Variants in DDAH1 observed in about 807,000 individuals in gnomAD.
DDAH1 encodes the protein N(G),N(G)-dimethylarginine dimethylaminohydrolase 1.
DDAH1 carries 19 observed loss-of-function variants against 28.8 expected under a neutral mutation model. The ratio of observed to expected loss-of-function variants is 0.66; its 90% CI spans 0.46 to 0.97. DDAH1 has a LOEUF of 0.97. Ranked by LOEUF, DDAH1 falls within the 50% of genes least tolerant of loss-of-function variation. The pLI is 0.00. For missense variants in DDAH1, 326 were observed against 375.9 expected, an observed-to-expected ratio of 0.87 and a Z score of 1.10; for synonymous variants, 153 against 154.4, an observed-to-expected ratio of 0.99 and a Z score of 0.07.
chr1:85,376,411 C>G (rs1048838704), intron 1 of DDAH1, among the ~76,000 whole-genome samples: 11 of 152,108 alleles, frequency 7.2e-5, no homozygotes, highest in Non-Finnish European at 1.6e-4. Flanking sequence ...GATGTCTTAA[C>G]TTTAAAATTC....
chr1:85,467,715 A>T (rs1397035100), upstream of DDAH1: 1 of 152,244 alleles, frequency 6.6e-6, no homozygotes, highest in African/African-American at 2.4e-5. Context: ...TGTTTTTAGG[A>T]AAACGGACTT....
intron 1 of DDAH1, among the ~76,000 whole-genome samples, chr1:85,525,495 G>A (rs1201912814): frequency 2.6e-5 from 4 of 151,970 alleles, no homozygotes; most frequent in African/African-American, 9.7e-5. Context: ...GGGAATTGCT[G>A]TATGATTTTT....
chr1:85,491,046 C>CTAT (rs1656383719), intron 2 of DDAH1, among the ~76,000 whole-genome samples: 1 of 125,632 alleles, frequency 8.0e-6, no homozygotes, highest in South Asian at 2.5e-4. Flanking sequence ...AACATGTATT[C>CTAT]TTTTTTTTTT....
chr1:85,451,050 T>C (rs943723894), intron 1 of DDAH1, among the ~76,000 whole-genome samples: 1 of 152,100 alleles, frequency 6.6e-6, no homozygotes, highest in Admixed American at 6.5e-5. Context: ...GCCTGTAGAG[T>C]GGCACAGGCG....
At position 85,565,915 on chromosome 1, in the gene DDAH1, T is replaced by C. The variant is rs1659283693; in HGVS notation, c.-123+12069A>G. Reference sequence around the variant, plus strand: ...GGCCAACATGGCAAAACCCTGTGACTACTAAAAATACAAAAATTAGCTGGG... The same window carrying C: ...GGCCAACATGGCAAAACCCTGTGACCACTAAAAATACAAAAATTAGCTGGG... On this transcript the variant is annotated intron_variant, in intron 1 of 6. Coordinates refer to the DDAH1 transcript ENST00000426972. 2.6e-5 allele frequency among the ~76,000 whole-genome samples: 4 copies of C among 152,032 alleles called. No individual in the cohort carries two copies. In the South Asian group the frequency reaches 8.3e-4, roughly 32 times the overall value.
At chr1:85,499,059 A>T (rs1417705614) in intron 1 of DDAH1, among the ~76,000 whole-genome samples, 1 of 152,128 alleles carries the variant, frequency 6.6e-6, no homozygotes, top group East Asian at 1.9e-4. Flanking sequence ...AGTAGCTGTA[A>T]CCTCAACATC....
At chr1:85,448,964 G>A (rs1654552023) in intron 1 of DDAH1, among the ~76,000 whole-genome samples, 1 of 152,206 alleles carries the variant, frequency 6.6e-6, no homozygotes. Flanking sequence ...TACTACAGGA[G>A]AAGGGGAAAG....
chr1:85,500,169 TTTCC>T (rs1192056232), intron 1 of DDAH1, among the ~76,000 whole-genome samples: 199 of 149,172 alleles, frequency 1.3e-3, no homozygotes, highest in African/African-American at 4.7e-3. Flanking sequence ...CTTTCTCTTT[TTTCC>T]TTCCTTCCTT....
intron 1 of DDAH1, among the ~76,000 whole-genome samples, chr1:85,411,292 T>C (rs1652644248): frequency 6.6e-6 from 1 of 152,178 alleles, no homozygotes; most frequent in African/African-American, 2.4e-5. Flanking sequence ...TTTGGAACAA[T>C]TGCAGTAAGT....
rs1337607981 is a variant in DDAH1 at position 85,465,076 on chromosome 1, G to T, written c.-31C>A. The T allele has an allele frequency of 2.5e-6, 3 of 1,221,266 alleles. No homozygotes were observed. The highest frequency in any genetic ancestry group is 4.0e-5 in the South Asian group (1 of 24,974). The allele number at this position is 1,221,266 out of a possible 1,614,324, so 75.7% of individuals were successfully genotyped here. Reference sequence around the variant, plus strand: ...CGGGAGGCTTAGGGGCGGCGGCGGCGGCGGAGGCGGCCGGGTCCTGCCGCG... The same window carrying T: ...CGGGAGGCTTAGGGGCGGCGGCGGCTGCGGAGGCGGCCGGGTCCTGCCGCG... On this transcript the variant is annotated 5_prime_UTR_variant, in exon 1 of 6. Coordinates refer to ENST00000284031, the MANE Select transcript of DDAH1 (RefSeq NM_012137.4).
chr1:85,517,659 T>C (rs1307954254), intron 1 of DDAH1, among the ~76,000 whole-genome samples: 2 of 152,006 alleles, frequency 1.3e-5, no homozygotes, highest in African/African-American at 2.4e-5. Context: ...GAAGGCCAAG[T>C]AGACAGTGCT....
intron 1 of DDAH1, among the ~76,000 whole-genome samples, chr1:85,430,491 G>A (rs1161304891): frequency 6.6e-6 from 1 of 152,190 alleles, no homozygotes; most frequent in African/African-American, 2.4e-5. Flanking sequence ...ACTTTGGGCA[G>A]TATGGCCATT....
intron 1 of DDAH1, among the ~76,000 whole-genome samples, chr1:85,414,678 C>T (rs1247823576): frequency 6.6e-6 from 1 of 152,190 alleles, no homozygotes; most frequent in East Asian, 1.9e-4. Context: ...CACTAACCTA[C>T]AATGCTCTCT....
intron 1 of DDAH1, among the ~76,000 whole-genome samples, chr1:85,372,328 A>T (rs1338249084): frequency 6.6e-6 from 1 of 152,148 alleles, no homozygotes; most frequent in East Asian, 1.9e-4. Context: ...GTTTCAAGAA[A>T]TTGTCCTAGG....
intron 1 of DDAH1, among the ~76,000 whole-genome samples, chr1:85,372,981 CTA>C (rs34810153): frequency 0.35 from 52,555 of 151,746 alleles, 9,167 homozygotes; most frequent in South Asian, 0.4. Flanking sequence ...CAAAAAACCA[CTA>C]TTAGTTTAAT....
At chr1:85,332,915 C>T (rs2100804751) in intron 4 of DDAH1, among the ~76,000 whole-genome samples, 1 of 152,230 alleles carries the variant, frequency 6.6e-6, no homozygotes, top group East Asian at 1.9e-4. Context: ...CCCATTGCAG[C>T]CACCGCTAAT....
chr1:85,397,261 C>T (rs1232381827), intron 1 of DDAH1, among the ~76,000 whole-genome samples: 1 of 151,972 alleles, frequency 6.6e-6, no homozygotes, highest in Non-Finnish European at 1.5e-5. Flanking sequence ...TTTGCAAGAA[C>T]CATAATCTTC....
chr1:85,366,327 A>G (rs963399852), intron 1 of DDAH1, among the ~76,000 whole-genome samples: 3 of 152,206 alleles, frequency 2.0e-5, no homozygotes, highest in Non-Finnish European at 1.5e-5. Context: ...AACTTTTGTT[A>G]TAACTTTTAC....
At chr1:85,334,071 G>C (rs1379094784) in intron 4 of DDAH1, among the ~76,000 whole-genome samples, 1 of 152,158 alleles carries the variant, frequency 6.6e-6, no homozygotes, top group East Asian at 1.9e-4. Context: ...TCTAGGGAGA[G>C]ACCAGAGGGA....
Sources: gnomAD v4.1 joint callset for allele counts (sites outside exome capture counted in the v4.1 genomes callset) on GRCh38, gnomAD v4.1.1 for gene constraint, MANE v1.5 for transcripts, NCBI Gene and HGNC (gene_info 2026-07-23, HGNC 2026-07-21) for gene names.